The following PPP6C variants were observed in gnomAD, a reference collection of about 807,000 sequenced individuals.
The protein encoded by PPP6C is serine/threonine-protein phosphatase 6 catalytic subunit.
A neutral mutation model predicts 39.8 loss-of-function variants in PPP6C; 11 were observed. The ratio of observed to expected loss-of-function variants is 0.28; its 90% CI spans 0.17 to 0.46. The LOEUF (loss-of-function observed/expected upper bound fraction) is 0.46, where lower values mean the gene tolerates loss of function less well. PPP6C is among the 20% of genes least tolerant of loss of function. The probability of loss-of-function intolerance (pLI) is 1.00; values close to 1 mark genes in which losing one functional copy is unlikely to be tolerated. For missense variants in PPP6C, 211 were observed against 373.9 expected (o/e 0.56, Z 3.59); for synonymous variants, 129 against 130.3 (o/e 0.99, Z 0.07).
chr9:125,169,683 T>C (rs1829100055), intron 2 of PPP6C, among the ~76,000 whole-genome samples: 2 of 152,246 alleles, frequency 1.3e-5, no homozygotes, highest in African/African-American at 4.8e-5. Flanking sequence ...ACACTGCTTA[T>C]ATTAATATCC....
chr9:125,181,410 G>C (rs997702945), intron 1 of PPP6C, among the ~76,000 whole-genome samples: 20 of 151,990 alleles, frequency 1.3e-4, no homozygotes, highest in Admixed American at 7.2e-4. Flanking sequence ...AGGTATCCAC[G>C]TGCCATGGTG....
chr9:125,158,256 C>A lies in PPP6C; in HGVS notation c.364G>T (p.Val122Phe). 6.2e-7 allele frequency: 1 copy of A among 1,607,058 alleles called. No homozygotes were observed. Among genetic ancestry groups the A allele is most frequent in the Non-Finnish European group, 8.5e-7 (1 of 1,174,640 alleles). Residue 122 changes from valine (V) to phenylalanine (F), a missense_variant, in exon 4 of 7, where the codon GTC becomes TTC. Physicochemically the swap from Val to Phe is conservative, Grantham distance 50. Coordinates refer to ENST00000373547, the MANE Select transcript of PPP6C (RefSeq NM_002721.5). ...GAATTCTTACCATAAAATCCATAGA[C>A]CTGTGTTATCTGTCTACTCTCATGA... ...GNHESRQITQ[V>F]YGFYDECQTK...
At chr9:125,176,141 T>A (rs1184848853) in intron 1 of PPP6C, among the ~76,000 whole-genome samples, 1 of 151,978 alleles carries the variant, frequency 6.6e-6, no homozygotes, top group Non-Finnish European at 1.5e-5. Flanking sequence ...GGCAGAGAAA[T>A]AAAGACCAAA....
Position 125,153,642 on chromosome 9 carries a change from T to G in PPP6C, c.560A>C (p.His187Pro). 6.2e-7 allele frequency: 1 copy of G among 1,614,234 alleles called. No individual in the cohort carries two copies. The highest frequency in any genetic ancestry group is 8.5e-7 in the Non-Finnish European group (1 of 1,180,036). ...RTIERNQEIP[H>P]KGAFCDLVWS... ...AACCAGATCACAAAATGCTCCTTTA[T>G]GAGGAATTTCCTGATTCCGTTCGAT... The change falls in exon 6 of 7, where the codon CAT (histidine) becomes CCT (proline). Residue 187 changes from histidine to proline, a missense_variant. Physicochemically the swap from His to Pro is moderately conservative, Grantham distance 77. Coordinates refer to ENST00000373547, the MANE Select transcript of PPP6C (RefSeq NM_002721.5).
At chr9:125,175,825 C>G (rs1829286220) in intron 1 of PPP6C, among the ~76,000 whole-genome samples, 1 of 152,028 alleles carries the variant, frequency 6.6e-6, no homozygotes, top group Non-Finnish European at 1.5e-5. Context: ...TGGTATGTTA[C>G]CAGGTATTGT....
chr9:125,154,291 C>T (rs931311145), intron 4 of PPP6C, among the ~76,000 whole-genome samples: 1 of 152,212 alleles, frequency 6.6e-6, no homozygotes, highest in Non-Finnish European at 1.5e-5. Flanking sequence ...TAGCCTACTA[C>T]ACACCTAGGC....
chr9:125,185,481 G>A (rs1021281981), intron 1 of PPP6C, among the ~76,000 whole-genome samples: 1 of 151,270 alleles, frequency 6.6e-6, no homozygotes, highest in Non-Finnish European at 1.5e-5. Context: ...ATCACCTGAG[G>A]TCAGGAGTTT....
intron 1 of PPP6C, among the ~76,000 whole-genome samples, chr9:125,176,839 G>A (rs1829308542): frequency 6.6e-6 from 1 of 152,118 alleles, no homozygotes; most frequent in South Asian, 2.1e-4. Flanking sequence ...GATTCCAGAT[G>A]TTATCTGAAT....
At position 125,149,577 on chromosome 9, in the gene PPP6C, C is replaced by A; in HGVS notation, c.*96G>T. 1.5e-6 allele frequency: 2 copies of A among 1,334,552 alleles called. No homozygotes were observed. The highest frequency in any genetic ancestry group is 1.5e-5 in the African/African-American group (1 of 67,096). 82.7% of individuals were successfully genotyped at this position (1,334,552 alleles called of 1,614,324 possible). A position where few individuals can be genotyped will look rare whatever the true frequency, so the allele number is the denominator to read the frequency against. On this transcript the variant is annotated 3_prime_UTR_variant, in exon 7 of 7. Transcript: ENST00000373547. ...AAGGCAAGAGGCAGCATTTCAGCAG[C>A]AAAGTGCTCAATAAAAAGTATATTG...
At position 125,150,860 on chromosome 9, in the gene PPP6C, G is replaced by T. The variant is rs919398052; in HGVS notation, c.670-939C>A. On this transcript the variant is annotated intron_variant, in intron 6 of 6. Transcript: ENST00000373547. ...TCAATGACAATTTAATGGTGCCTTTGATCATGACTAATACCTGCAAGACTG... is the reference window on the plus strand; with the variant it reads ...TCAATGACAATTTAATGGTGCCTTTTATCATGACTAATACCTGCAAGACTG... 2.0e-5 allele frequency: 16 copies of T among 794,564 alleles called. No homozygotes were observed. In the African/African-American group the frequency reaches 2.5e-4, roughly 13 times the overall value. 49.2% of individuals were successfully genotyped at this position (794,564 alleles called of 1,614,324 possible). A position where few individuals can be genotyped will look rare whatever the true frequency, so the allele number is the denominator to read the frequency against.
chr9:125,184,988 A>AAC (rs1564159928), intron 1 of PPP6C, among the ~76,000 whole-genome samples: 1 of 144,644 alleles, frequency 6.9e-6, no homozygotes, highest in African/African-American at 2.5e-5. Context: ...AAAAAAAAAA[A>AAC]CCTCAGGTAA....
At chr9:125,179,806 C>A (rs1005005161) in intron 1 of PPP6C, among the ~76,000 whole-genome samples, 1 of 152,016 alleles carries the variant, frequency 6.6e-6, no homozygotes, top group Admixed American at 6.6e-5. Flanking sequence ...CAGGCACCTG[C>A]CACCACACCC....
intron 3 of PPP6C, among the ~76,000 whole-genome samples, chr9:125,158,714 T>A (rs1369542080): frequency 6.6e-6 from 1 of 151,760 alleles, no homozygotes; most frequent in East Asian, 1.9e-4. Flanking sequence ...CAGGCTGGAG[T>A]GCAGTGGCAC....
chr9:125,150,154 A>C (rs1236500580), intron 6 of PPP6C, among the ~76,000 whole-genome samples: 4 of 152,228 alleles, frequency 2.6e-5, no homozygotes, highest in Admixed American at 2.0e-4. Context: ...AATTTCTGGA[A>C]GAAAAAGCAT....
rs1835850895 is a variant in PPP6C at position 125,148,040 on chromosome 9, A to C, written c.*1633T>G. ...GCCACCTCTTTCATATAGCTATATA[A>C]TTAAAAACTATGTAAGGAGCTGGGT... On this transcript the variant is annotated 3_prime_UTR_variant, in exon 7 of 7. Transcript: ENST00000373547. 5.4e-6 allele frequency: 1 copy of C among 186,260 alleles called. No homozygotes were observed. The highest frequency in any genetic ancestry group is 2.4e-5 in the African/African-American group (1 of 41,600). 11.5% of individuals were successfully genotyped at this position (186,260 alleles called of 1,614,324 possible).
chr9:125,153,041 G>A (rs1835989632), intron 6 of PPP6C, among the ~76,000 whole-genome samples: 2 of 152,078 alleles, frequency 1.3e-5, no homozygotes, highest in African/African-American at 2.4e-5. Flanking sequence ...GGGAGGCTGA[G>A]GCGGGTGGAT....
chr9:125,183,988 G>C (rs191285105), intron 1 of PPP6C, among the ~76,000 whole-genome samples: 2 of 152,304 alleles, frequency 1.3e-5, no homozygotes, highest in African/African-American at 2.4e-5. Context: ...GCTGGGCACA[G>C]TGGCTCACAC....
At chr9:125,182,385 T>C (rs1829438079) in intron 1 of PPP6C, among the ~76,000 whole-genome samples, 1 of 152,122 alleles carries the variant, frequency 6.6e-6, no homozygotes, top group African/African-American at 2.4e-5. Flanking sequence ...CTCACACCTG[T>C]AAAATGAGCA....
chr9:125,150,339 T>C (rs1235670130), intron 6 of PPP6C, among the ~76,000 whole-genome samples: 1 of 152,210 alleles, frequency 6.6e-6, no homozygotes, highest in Non-Finnish European at 1.5e-5. Flanking sequence ...AAATAACTTA[T>C]CTAAATTAAG....
Sources: allele counts gnomAD v4.1 joint callset (sites outside exome capture counted in the v4.1 genomes callset), GRCh38; gene constraint gnomAD v4.1.1; transcripts MANE v1.5; gene names NCBI Gene and HGNC (gene_info 2026-07-23, HGNC 2026-07-21).